The following NEMP1 variants were observed in gnomAD, a reference collection of about 807,000 sequenced individuals.
The protein encoded by NEMP1 is nuclear envelope integral membrane protein 1.
NEMP1 carries 29 observed loss-of-function variants against 53.7 expected under a neutral mutation model. The ratio of observed to expected loss-of-function variants is 0.54; its 90% CI spans 0.40 to 0.74. The LOEUF is 0.74. NEMP1 is among the 30% of genes least tolerant of loss of function. The probability of loss-of-function intolerance (pLI) is 0.00; values close to 1 mark genes in which losing one functional copy is unlikely to be tolerated. For missense variants in NEMP1, 477 were observed against 528.6 expected (o/e 0.90, Z 0.96); for synonymous variants, 193 against 192.9 (o/e 1.00, Z 0.00).
chr12:57,082,338 T>C (rs2032871675), upstream of NEMP1, among the ~76,000 whole-genome samples: 1 of 152,268 alleles, frequency 6.6e-6, no homozygotes, highest in African/African-American at 2.4e-5. Flanking sequence ...TAATGTCAGA[T>C]AATAATTGAG....
intron 1 of NEMP1, among the ~76,000 whole-genome samples, chr12:57,075,969 T>G (rs1026411938): frequency 1.3e-5 from 2 of 152,046 alleles, no homozygotes; most frequent in Non-Finnish European, 2.9e-5. Flanking sequence ...CCGGGCATGG[T>G]GGCACACACC....
intron 1 of NEMP1, among the ~76,000 whole-genome samples, chr12:57,075,954 A>G (rs1218149874): frequency 6.6e-6 from 1 of 151,810 alleles, no homozygotes; most frequent in Non-Finnish European, 1.5e-5. Context: ...ATACAAAAAA[A>G]TTACCCGGGC....
At chr12:57,079,798 T>C (rs1299172554), upstream of NEMP1, among the ~76,000 whole-genome samples, 2 of 151,680 alleles carry the variant, frequency 1.3e-5, no homozygotes, top group Admixed American at 1.3e-4. Context: ...AGAGACAGGG[T>C]CATTCTCTGA....
chr12:57,072,287 A>C (rs1373528899), intron 2 of NEMP1, among the ~76,000 whole-genome samples: 4 of 152,104 alleles, frequency 2.6e-5, no homozygotes, highest in African/African-American at 9.7e-5. Context: ...AAAATACAAA[A>C]AAATTGGTCA....
At chr12:57,075,913 G>A (rs555767304) in intron 1 of NEMP1, among the ~76,000 whole-genome samples, 31 of 151,288 alleles carry the variant, frequency 2.0e-4, no homozygotes, top group African/African-American at 7.5e-4. Context: ...GACCAGCCTG[G>A]CCAACATGGC....
At chr12:57,078,127 T>C (rs565265763) in intron 1 of NEMP1, among the ~76,000 whole-genome samples, 3 of 152,170 alleles carry the variant, frequency 2.0e-5, no homozygotes, top group East Asian at 1.9e-4. Flanking sequence ...GAGCAGAAGA[T>C]AGTAGAGATC....
intron 4 of NEMP1, among the ~76,000 whole-genome samples, chr12:57,067,715 G>A (rs2032157251): frequency 6.6e-6 from 1 of 152,162 alleles, no homozygotes; most frequent in Admixed American, 6.5e-5. Flanking sequence ...AGGATTAAAG[G>A]TCTTCCCTCA....
At chr12:57,076,005 G>A (rs746374885) in intron 1 of NEMP1, among the ~76,000 whole-genome samples, 7 of 152,254 alleles carry the variant, frequency 4.6e-5, no homozygotes, top group East Asian at 1.9e-4. Context: ...TCGGGAGGGT[G>A]AGGTAGGAGA....
At position 57,064,140 on chromosome 12, in the gene NEMP1, G is replaced by T. The variant is rs930140750; in HGVS notation, c.685C>A (p.Leu229Met). The change falls in exon 6 of 9, where the codon CTG (leucine) becomes ATG (methionine). Residue 229 changes from leucine to methionine, a missense_variant. Coordinates refer to ENST00000300128, the MANE Select transcript of NEMP1 (RefSeq NM_001130963.2). ...VILVGGWSFS[L>M]YLIQLVFKNL... ...TTAAAAACTAGTTGAATGAGGTACA[G>T]AGAAAAAGACCAGCCTCCCACCAGG... The T allele has an allele frequency of 1.1e-5, 17 of 1,610,746 alleles. No individual in the cohort carries two copies. Among genetic ancestry groups the T allele is most frequent in the Admixed American group, 1.7e-5 (1 of 59,176 alleles).
intron 1 of NEMP1, among the ~76,000 whole-genome samples, chr12:57,076,284 G>A (rs1221766560): frequency 6.6e-6 from 1 of 152,076 alleles, no homozygotes; most frequent in Non-Finnish European, 1.5e-5. Flanking sequence ...AGCTACTTGG[G>A]GAGACCGAGG....
chr12:57,068,628 C>T (rs538346859), intron 4 of NEMP1, among the ~76,000 whole-genome samples: 3 of 152,212 alleles, frequency 2.0e-5, no homozygotes, highest in Admixed American at 1.3e-4. Flanking sequence ...CACAGTGGCA[C>T]GATCTCGGCT....
intron 1 of NEMP1, among the ~76,000 whole-genome samples, chr12:57,085,270 T>G (rs776614462): frequency 1.3e-5 from 2 of 152,052 alleles, no homozygotes. Context: ...GCCTTCAACT[T>G]CTGGGCTCAA....
chr12:57,085,176 GTTTTTGTTTTTGT>G (rs2032956665), intron 1 of NEMP1, among the ~76,000 whole-genome samples: 1 of 151,538 alleles, frequency 6.6e-6, no homozygotes, highest in African/African-American at 2.4e-5. Flanking sequence ...TAGAATTTTT[GTTTTTGTTTTTGT>G]TTTTTGTTTT....
chr12:57,069,159 A>T, intron 4 of NEMP1, 75 bp downstream of exon 4: 1 of 1,020,782 alleles, frequency 9.8e-7, no homozygotes, highest in Non-Finnish European at 1.4e-6. Flanking sequence ...GAATGGCAGT[A>T]CTTAATAGTT....
At position 57,069,339 on chromosome 12, in the gene NEMP1, G is replaced by A. The variant is rs1419989445; in HGVS notation, c.473-33C>T. The stretch of plus-strand genomic sequence containing the variant: ...AAATAAAGATTTTTGCTTAATAAGG[G>A]AACAAAACTGCTTAAGGTATTATAG... On this transcript the variant is annotated intron_variant, in intron 3 of 8. Coordinates refer to ENST00000300128, the MANE Select transcript of NEMP1 (RefSeq NM_001130963.2). The A allele has an allele frequency of 5.1e-6, 7 of 1,365,402 alleles. No homozygotes were observed. The East Asian group carries it at 1.5e-4, about 29-fold the overall frequency. 84.6% of individuals were successfully genotyped at this position (1,365,402 alleles called of 1,614,324 possible). A position where few individuals can be genotyped will look rare whatever the true frequency, so the allele number is the denominator to read the frequency against.
intron 4 of NEMP1, among the ~76,000 whole-genome samples, chr12:57,066,277 A>C (rs1173458774): frequency 6.6e-6 from 1 of 152,146 alleles, no homozygotes; most frequent in African/African-American, 2.4e-5. Context: ...AAACAAACAA[A>C]AAAAGAGTTG....
chr12:57,084,818 T>C (rs1439853319), intron 1 of NEMP1, among the ~76,000 whole-genome samples: 1 of 152,240 alleles, frequency 6.6e-6, no homozygotes, highest in Non-Finnish European at 1.5e-5. Context: ...GAAAGTTTTA[T>C]AGGAATTTGA....
intron 1 of NEMP1, among the ~76,000 whole-genome samples, chr12:57,077,949 G>T (rs531806268): frequency 2.0e-4 from 31 of 152,210 alleles, no homozygotes; most frequent in African/African-American, 7.5e-4. Flanking sequence ...GGGCGCGGTG[G>T]CGGGTGCCTG....
At position 57,066,603 on chromosome 12, in the gene NEMP1, G is replaced by A. The variant is rs193037274; in HGVS notation, c.546-1864C>T. Among the ~76,000 whole-genome samples, 8 of 152,306 alleles carry A rather than the reference G, an allele frequency of 5.3e-5. No individual in the cohort carries two copies. The East Asian group carries it at 1.5e-3, about 29-fold the overall frequency. ...ATTGCTGTTTCTCAGGGAATAGGGA[G>A]GCCCAAGAAGAAGGGAGACGGGAAT... is the stretch of plus-strand genomic sequence containing the variant. On this transcript the variant is annotated intron_variant, in intron 4 of 8. Transcript: ENST00000300128.
Sources: gnomAD v4.1 joint callset for allele counts (sites outside exome capture counted in the v4.1 genomes callset) on GRCh38, gnomAD v4.1.1 for gene constraint, MANE v1.5 for transcripts, NCBI Gene and HGNC (gene_info 2026-07-23, HGNC 2026-07-21) for gene names.